RFX3: variants seen among roughly 807,000 people sequenced by gnomAD.
RFX3 encodes the protein transcription factor RFX3.
In RFX3, 14 loss-of-function variants were observed where a neutral mutation model predicts 98.6. The observed-to-expected ratio is 0.14, with a 90% CI of 0.09 to 0.22. RFX3 has a LOEUF of 0.22. RFX3 is among the 10% of genes least tolerant of loss of function. The pLI, the probability that RFX3 is intolerant of heterozygous loss-of-function variation, is 1.00. For synonymous variants in RFX3, 383 were observed against 328.4 expected, an observed-to-expected ratio of 1.17 and a Z score of -1.80; for missense variants, 639 against 926.9, an observed-to-expected ratio of 0.69 and a Z score of 4.03.
At chr9:3,286,523 A>ATTT (rs1243171040) in intron 7 of RFX3, among the ~76,000 whole-genome samples, 2 of 151,794 alleles carry the variant, frequency 1.3e-5, no homozygotes, top group East Asian at 3.9e-4. Context: ...GGAAATTATG[A>ATTT]CTGTGTAAAA....
chr9:3,262,884 C>A, intron 13 of RFX3, 51 bp downstream of exon 13: 2 of 1,564,440 alleles, frequency 1.3e-6, no homozygotes, highest in South Asian at 1.1e-5. Flanking sequence ...TTAAGAAGAA[C>A]AAATTGGGTA....
intron 15 of RFX3, among the ~76,000 whole-genome samples, chr9:3,239,268 T>C (rs1316787273): frequency 6.6e-6 from 1 of 152,230 alleles, no homozygotes; most frequent in Non-Finnish European, 1.5e-5. Flanking sequence ...ATTAACAACA[T>C]TCCATTTGGT....
At chr9:3,499,904 T>G (rs1417723446) in intron 1 of RFX3, among the ~76,000 whole-genome samples, 2 of 152,136 alleles carry the variant, frequency 1.3e-5, no homozygotes, top group Admixed American at 1.3e-4. Flanking sequence ...TTGGAACCAT[T>G]TAGCCCTTCA....
Position 3,293,273 on chromosome 9 carries a change from C to T in RFX3, c.550-15G>A, listed in dbSNP as rs995666501. 6.4e-7 allele frequency: 1 copy of T among 1,559,750 alleles called. No individual in the cohort carries two copies. The highest frequency in any genetic ancestry group is 8.7e-7 in the Non-Finnish European group (1 of 1,155,578). The stretch of plus-strand genomic sequence containing the variant: ...AGCCACTGGAGCTAGGGAAATAAGA[C>T]ACAATAAACACAGACAAATCACATA... On this transcript the variant is annotated splice_polypyrimidine_tract_variant and intron_variant, in intron 5 of 16. Transcript: ENST00000617270.
At chr9:3,375,692 G>A (rs10115511) in intron 2 of RFX3, among the ~76,000 whole-genome samples, 13,577 of 152,244 alleles carry the variant, frequency 0.089, 1,167 homozygotes, top group East Asian at 0.44. Context: ...CAGGCATGGT[G>A]GCTCACACCT....
intron 1 of RFX3, among the ~76,000 whole-genome samples, chr9:3,492,453 C>T (rs996749043): frequency 1.6e-4 from 24 of 152,236 alleles, no homozygotes. Flanking sequence ...AAGAAGTCTG[C>T]ACAGCCCAGG....
intron 1 of RFX3, among the ~76,000 whole-genome samples, chr9:3,497,161 T>C (rs2133590912): frequency 6.6e-6 from 1 of 152,182 alleles, no homozygotes; most frequent in South Asian, 2.1e-4. Context: ...AGTCTTGAAA[T>C]GTTACAATAT....
intron 4 of RFX3, among the ~76,000 whole-genome samples, chr9:3,314,999 G>A (rs945566618): frequency 6.6e-6 from 1 of 152,094 alleles, no homozygotes; most frequent in African/African-American, 2.4e-5. Context: ...TCCAGGAATT[G>A]AACTCAGCTC....
intron 3 of RFX3, among the ~76,000 whole-genome samples, chr9:3,339,395 C>T (rs1025351170): frequency 3.3e-5 from 5 of 149,826 alleles, no homozygotes; most frequent in African/African-American, 7.6e-5. Context: ...CAAGAAAAAC[C>T]GAGTAACCAC....
intron 1 of RFX3, among the ~76,000 whole-genome samples, chr9:3,477,268 T>A (rs1849353176): frequency 6.6e-6 from 1 of 152,204 alleles, no homozygotes; most frequent in Non-Finnish European, 1.5e-5. Context: ...TCATAATGCC[T>A]GTAGTTACCT....
chr9:3,235,611 G>T (rs560314603), intron 15 of RFX3, among the ~76,000 whole-genome samples: 1 of 152,258 alleles, frequency 6.6e-6, no homozygotes, highest in South Asian at 2.1e-4. Context: ...GTCTAGAAAA[G>T]AATTTTTTTT....
intron 2 of RFX3, among the ~76,000 whole-genome samples, chr9:3,383,653 T>C (rs542877936): frequency 6.6e-6 from 1 of 152,256 alleles, no homozygotes; most frequent in South Asian, 2.1e-4. Flanking sequence ...CCAGTTTGCT[T>C]TAAATAGAAA....
At chr9:3,518,377 T>C (rs573249606) in intron 1 of RFX3, among the ~76,000 whole-genome samples, 5 of 152,290 alleles carry the variant, frequency 3.3e-5, no homozygotes, top group African/African-American at 4.8e-5. Context: ...GTCTAATTGA[T>C]ATGTTGGGGC....
chr9:3,383,540 T>C (rs1839410451), intron 2 of RFX3, among the ~76,000 whole-genome samples: 2 of 150,402 alleles, frequency 1.3e-5, no homozygotes, highest in Admixed American at 1.3e-4. Context: ...AGAATGACTC[T>C]TGGCCAAAAA....
chr9:3,370,558 G>A (rs2131550299), intron 2 of RFX3, among the ~76,000 whole-genome samples: 1 of 151,864 alleles, frequency 6.6e-6, no homozygotes, highest in East Asian at 1.9e-4. Context: ...GGATGGGGAG[G>A]GTAGAGATTG....
At chr9:3,462,685 A>C (rs1437919934) in intron 1 of RFX3, among the ~76,000 whole-genome samples, 1 of 152,124 alleles carries the variant, frequency 6.6e-6, no homozygotes, top group Non-Finnish European at 1.5e-5. Flanking sequence ...GAAACAGTGC[A>C]TTTAGTAACA....
At chr9:3,268,563 G>A (rs1362804017) in intron 11 of RFX3, among the ~76,000 whole-genome samples, 1 of 151,700 alleles carries the variant, frequency 6.6e-6, no homozygotes, top group African/African-American at 2.4e-5. Flanking sequence ...AATTTTCTTG[G>A]CAGGGTGGTA....
At chr9:3,338,461 T>A (rs1833461387) in intron 3 of RFX3, among the ~76,000 whole-genome samples, 1 of 152,226 alleles carries the variant, frequency 6.6e-6, no homozygotes, top group Admixed American at 6.5e-5. Context: ...ACTGGAATCA[T>A]TTATACCATC....
In RFX3 at chr9:3,219,070, CACTT is replaced by C. The variant is rs1207847382; in HGVS notation, c.*5968_*5971del. 6.6e-6 allele frequency: 1 copy of C among 152,110 alleles called. No homozygotes were observed. Among genetic ancestry groups the C allele is most frequent in the African/African-American group, 2.4e-5 (1 of 41,408 alleles). The allele number at this position is 152,110 out of a possible 1,614,324, so 9.4% of individuals were successfully genotyped here. On this transcript the variant is annotated 3_prime_UTR_variant, in exon 17 of 17. Coordinates refer to ENST00000617270, the MANE Select transcript of RFX3 (RefSeq NM_001282116.2). ...AATTTCCAAGTTTTCTCAAGGCACTCACTTAAAGTTTCTGTAACCAATGCATTGG... is the reference window on the plus strand; with the variant it reads ...AATTTCCAAGTTTTCTCAAGGCACTCAAAGTTTCTGTAACCAATGCATTGG...
Sources: gnomAD v4.1 joint callset for allele counts (sites outside exome capture counted in the v4.1 genomes callset) on GRCh38, gnomAD v4.1.1 for gene constraint, MANE v1.5 for transcripts, NCBI Gene and HGNC (gene_info 2026-07-23, HGNC 2026-07-21) for gene names.